SLCO3A1: variants seen among roughly 807,000 people sequenced by gnomAD.
The protein encoded by SLCO3A1 is solute carrier organic anion transporter family member 3A1, also known as PGE1 transporter.
A neutral mutation model predicts 63.1 loss-of-function variants in SLCO3A1; 27 were observed. That is an observed-to-expected ratio of 0.43 (90% CI 0.32 to 0.59). The LOEUF (loss-of-function observed/expected upper bound fraction) is 0.59, where lower values mean the gene tolerates loss of function less well. Among genes scored for constraint, SLCO3A1 ranks in the 20% least tolerant of loss-of-function variants. The pLI, the probability that SLCO3A1 is intolerant of heterozygous loss-of-function variation, is 0.09. For missense variants in SLCO3A1, 773 were observed against 945.8 expected, an observed-to-expected ratio of 0.82 and a Z score of 2.40; for synonymous variants, 473 against 409.9, an observed-to-expected ratio of 1.15 and a Z score of -1.86.
intron 2 of SLCO3A1, among the ~76,000 whole-genome samples, chr15:92,010,620 A>G (rs2046358884): frequency 6.6e-6 from 1 of 152,312 alleles, no homozygotes. Flanking sequence ...ACCTGTCTGC[A>G]AAACAAAATT....
chr15:91,924,606 G>A (rs1166929380), intron 2 of SLCO3A1, among the ~76,000 whole-genome samples: 2 of 152,194 alleles, frequency 1.3e-5, no homozygotes, highest in African/African-American at 4.8e-5. Context: ...CTTCGCTGTG[G>A]TTCTGAATGT....
intron 2 of SLCO3A1, among the ~76,000 whole-genome samples, chr15:91,925,992 T>C (rs994171031): frequency 6.6e-6 from 1 of 152,178 alleles, no homozygotes; most frequent in Non-Finnish European, 1.5e-5. Context: ...TGCTTCCCTC[T>C]TGAGGTATAA....
chr15:91,891,816 G>C (rs918293246), intron 1 of SLCO3A1, among the ~76,000 whole-genome samples: 21 of 152,202 alleles, frequency 1.4e-4, no homozygotes, highest in Non-Finnish European at 2.9e-4. Context: ...ACCACGTAAA[G>C]AGCTGTATAG....
intron 2 of SLCO3A1, among the ~76,000 whole-genome samples, chr15:92,047,014 TATATA>T (rs1239688060): frequency 1.3e-5 from 1 of 77,396 alleles, no homozygotes; most frequent in African/African-American, 4.4e-5. Context: ...TATAAATATA[TATATA>T]ATATATAAAT....
chr15:92,122,275 C>A (rs2047871745), intron 5 of SLCO3A1, among the ~76,000 whole-genome samples: 1 of 152,192 alleles, frequency 6.6e-6, no homozygotes, highest in East Asian at 1.9e-4. Context: ...GGCATGGGGG[C>A]AGCTACAGCT....
intron 2 of SLCO3A1, among the ~76,000 whole-genome samples, chr15:92,035,986 G>A (rs2046720916): frequency 6.8e-6 from 1 of 146,384 alleles, no homozygotes; most frequent in African/African-American, 2.4e-5. Flanking sequence ...ATGTGCCCAC[G>A]ACCTGTTTCT....
At chr15:92,089,189 G>C (rs551386719) in intron 2 of SLCO3A1, among the ~76,000 whole-genome samples, 1 of 151,928 alleles carries the variant, frequency 6.6e-6, no homozygotes, top group African/African-American at 2.4e-5. Context: ...ACTACGCCCG[G>C]CTAATTTTTT....
intron 1 of SLCO3A1, among the ~76,000 whole-genome samples, chr15:91,891,197 A>G (rs1183389644): frequency 6.6e-6 from 1 of 151,988 alleles, no homozygotes. Flanking sequence ...TGTGGGGGAA[A>G]TTGTGATGGA....
At chr15:91,994,202 G>A (rs1006046424) in intron 2 of SLCO3A1, among the ~76,000 whole-genome samples, 6 of 152,098 alleles carry the variant, frequency 3.9e-5, no homozygotes, top group African/African-American at 1.4e-4. Context: ...TTGTTTTAAG[G>A]CCTTTGCAAA....
At chr15:92,009,482 C>T (rs2046346696) in intron 2 of SLCO3A1, among the ~76,000 whole-genome samples, 1 of 152,188 alleles carries the variant, frequency 6.6e-6, no homozygotes, top group Non-Finnish European at 1.5e-5. Context: ...CCAGCACGGC[C>T]TGATGCTTGT....
chr15:91,857,941 A>C (rs781099625), intron 1 of SLCO3A1, among the ~76,000 whole-genome samples: 3 of 152,174 alleles, frequency 2.0e-5, no homozygotes, highest in Non-Finnish European at 2.9e-5. Flanking sequence ...CCCTATTTAG[A>C]GTTATAGAAA....
Position 91,952,262 on chromosome 15 carries a change from C to G in SLCO3A1, c.646+35804C>G, listed in dbSNP as rs143452799. Among the ~76,000 whole-genome samples, 30 of 152,262 alleles carry G rather than the reference C, an allele frequency of 2.0e-4. 1 individual carries two copies. In the East Asian group the frequency reaches 5.6e-3, roughly 28 times the overall value. On this transcript the variant is annotated intron_variant, in intron 2 of 9. Transcript: ENST00000318445. ...AAGAGGTCTTTGTATTTTCTGGATA[C>G]TAGGCCAGATCTGTCATTTGCAAAT... is the stretch of plus-strand genomic sequence containing the variant.
chr15:91,951,850 C>T (rs1382656453), intron 2 of SLCO3A1, among the ~76,000 whole-genome samples: 6 of 152,142 alleles, frequency 3.9e-5, no homozygotes, highest in Non-Finnish European at 5.9e-5. Context: ...CCACCGCACC[C>T]GGCCTTGTGT....
At chr15:91,889,916 G>A (rs536488254) in intron 1 of SLCO3A1, among the ~76,000 whole-genome samples, 4 of 151,880 alleles carry the variant, frequency 2.6e-5, no homozygotes, top group African/African-American at 7.3e-5. Flanking sequence ...TCTAGTCCGC[G>A]TATCCTAGAC....
chr15:91,978,538 G>A (rs1019544002), intron 2 of SLCO3A1, among the ~76,000 whole-genome samples: 1 of 152,288 alleles, frequency 6.6e-6, no homozygotes, highest in Non-Finnish European at 1.5e-5. Flanking sequence ...CTTGGCGTCT[G>A]TTCTGTATTC....
Position 92,163,131 on chromosome 15 carries a change from T to G in SLCO3A1, c.2129T>G (p.Leu710Ter), listed in dbSNP as rs1213827199. The G allele has an allele frequency of 1.3e-6, 2 of 1,516,420 alleles. No individual in the cohort carries two copies. The highest frequency in any genetic ancestry group is 1.4e-5 in the African/African-American group (1 of 71,554). 93.9% of individuals were successfully genotyped at this position (1,516,420 alleles called of 1,614,324 possible). A position where few individuals can be genotyped will look rare whatever the true frequency, so the allele number is the denominator to read the frequency against. The change falls in exon 10 of 10, where the codon TTA becomes TGA. Residue 710 changes from leucine to a stop codon, truncating the protein, a stop_gained. Coordinates refer to ENST00000318445, the MANE Select transcript of SLCO3A1 (RefSeq NM_013272.4). LOFTEE classifies it high-confidence loss of function. ...HEWCENMESV[L>*] ...TGGTGTGAAAACATGGAGTCCGTTTTATAGTGACTAAAGGAGGGCTGAACT... is the reference window on the plus strand; with the variant it reads ...TGGTGTGAAAACATGGAGTCCGTTTGATAGTGACTAAAGGAGGGCTGAACT...
At chr15:91,932,918 G>A (rs1342225948) in intron 2 of SLCO3A1, among the ~76,000 whole-genome samples, 2 of 152,134 alleles carry the variant, frequency 1.3e-5, no homozygotes, top group Non-Finnish European at 2.9e-5. Flanking sequence ...AGCTTTTGTG[G>A]TGTTAACAGC....
chr15:92,000,404 A>T (rs371480558), intron 2 of SLCO3A1, among the ~76,000 whole-genome samples: 3,854 of 125,676 alleles, frequency 0.031, 62 homozygotes, highest in South Asian at 0.067. Context: ...CTTTTTTTTT[A>T]AAAAAAAAAA....
intron 2 of SLCO3A1, among the ~76,000 whole-genome samples, chr15:91,982,368 G>A (rs564269886): frequency 6.6e-6 from 1 of 152,370 alleles, no homozygotes; most frequent in East Asian, 1.9e-4. Flanking sequence ...GCTTGTAGGC[G>A]AAAGAGTTGT....
Sources: gnomAD v4.1 joint callset for allele counts (sites outside exome capture counted in the v4.1 genomes callset) on GRCh38, gnomAD v4.1.1 for gene constraint, MANE v1.5 for transcripts, NCBI Gene and HGNC (gene_info 2026-07-23, HGNC 2026-07-21) for gene names.